The following EPG5 variants were observed in gnomAD, a reference collection of about 807,000 sequenced individuals.
EPG5 encodes the protein ectopic P-granules 5 autophagy tethering factor.
A neutral mutation model predicts 302.7 loss-of-function variants in EPG5; 159 were observed. That is an observed-to-expected ratio of 0.53 (90% CI 0.46 to 0.60). The LOEUF (loss-of-function observed/expected upper bound fraction) is 0.60. EPG5 is among the 20% of genes least tolerant of loss of function. The pLI is 0.00. For synonymous variants in EPG5, 1,158 were observed against 1,136.8 expected, an observed-to-expected ratio of 1.02 and a Z score of -0.37; for missense variants, 2,896 against 3,092.4, an observed-to-expected ratio of 0.94 and a Z score of 1.51.
intron 41 of EPG5, among the ~76,000 whole-genome samples, chr18:45,858,334 G>A (rs1380118637): frequency 6.6e-6 from 1 of 152,172 alleles, no homozygotes; most frequent in Non-Finnish European, 1.5e-5. Flanking sequence ...CCACTTAACT[G>A]GTAAGGAAAC....
intron 1 of EPG5, among the ~76,000 whole-genome samples, chr18:45,962,350 C>G (rs538984971): frequency 2.0e-5 from 3 of 152,270 alleles, no homozygotes; most frequent in African/African-American, 7.2e-5. Context: ...ACCAGATGTT[C>G]TCACTATTAA....
chr18:45,830,199 T>C, the EPG5 span, among the ~76,000 whole-genome samples: 3 of 152,260 alleles, frequency 2.0e-5, no homozygotes, highest in African/African-American at 7.2e-5. Flanking sequence ...GGTGGAGATT[T>C]TGGTCAGCTG....
chr18:45,821,096 T>C, the EPG5 span, among the ~76,000 whole-genome samples: 1 of 152,346 alleles, frequency 6.6e-6, no homozygotes, highest in South Asian at 2.1e-4. Flanking sequence ...AAGGGTAGGA[T>C]AGACTCACGG....
At chr18:45,813,301 C>T in the EPG5 span, among the ~76,000 whole-genome samples, 4 of 152,296 alleles carry the variant, frequency 2.6e-5, no homozygotes, top group Middle Eastern at 0.014. Context: ...AATAGGAACA[C>T]TTTTACACTG....
intron 16 of EPG5, among the ~76,000 whole-genome samples, chr18:45,920,185 T>C (rs1224740442): frequency 6.6e-6 from 1 of 152,254 alleles, no homozygotes; most frequent in Non-Finnish European, 1.5e-5. Context: ...ATTTGTTGAA[T>C]ACCTACTAAG....
chr18:45,897,849 T>C (rs756314576), intron 27 of EPG5, among the ~76,000 whole-genome samples: 5 of 152,128 alleles, frequency 3.3e-5, no homozygotes, highest in Admixed American at 6.5e-5. Context: ...GACATTGGAA[T>C]AGTTACAATG....
At chr18:45,863,155 T>A (rs959868887) in intron 39 of EPG5, among the ~76,000 whole-genome samples, 1 of 152,230 alleles carries the variant, frequency 6.6e-6, no homozygotes, top group Non-Finnish European at 1.5e-5. Flanking sequence ...GACATAATCA[T>A]CTTGTGGAAA....
intron 26 of EPG5, among the ~76,000 whole-genome samples, chr18:45,900,366 C>T (rs183502324): frequency 1.0e-4 from 15 of 142,976 alleles, no homozygotes; most frequent in African/African-American, 3.9e-4. Context: ...CATGCCACTG[C>T]ACCACTCCAG....
chr18:45,918,159 C>T (rs2050074820), intron 16 of EPG5, among the ~76,000 whole-genome samples: 3 of 152,152 alleles, frequency 2.0e-5, no homozygotes, highest in Non-Finnish European at 1.5e-5. Flanking sequence ...AAGAGCTTCT[C>T]CTAAGAGCCG....
intron 31 of EPG5, 150 bp downstream of exon 31, chr18:45,882,124 G>A (rs2049110787): frequency 2.8e-6 from 2 of 716,616 alleles, no homozygotes; most frequent in East Asian, 2.7e-5. Flanking sequence ...TTTGGGCCTT[G>A]TTCATCAAGC....
In EPG5 at chr18:45,852,525, A is replaced by G; in HGVS notation, c.7682T>C (p.Leu2561Ser). The change falls in exon 44 of 44, where the codon TTG (leucine) becomes TCG (serine). Residue 2561 changes from leucine to serine, a missense_variant. Coordinates refer to ENST00000282041, the MANE Select transcript of EPG5 (RefSeq NM_020964.3). ...ATACAGACAGTTAACGAGAAGAGCC[A>G]AGAAGCTTTTCCCATCTTGAAGGCA... is the stretch of plus-strand genomic sequence containing the variant. The part of the protein sequence containing the change: ...GHCLQDGKSF[L>S]ALLVNCLYPE... 6.2e-7 allele frequency: 1 copy of G among 1,614,264 alleles called. No individual in the cohort carries two copies. Among genetic ancestry groups the G allele is most frequent in the Non-Finnish European group, 8.5e-7 (1 of 1,180,036 alleles).
chr18:45,904,045 G>C lies in EPG5; in HGVS notation c.4402C>G (p.Gln1468Glu). 3 of 1,613,358 alleles carry C rather than the reference G, an allele frequency of 1.9e-6. No homozygotes were observed. The highest frequency in any genetic ancestry group is 2.5e-6 in the Non-Finnish European group (3 of 1,179,904). ...GTGGAATGGGACTCAAGCTTGGCCT[G>C]TGTCCACAGACCAACAGTCTCCTGA... is the stretch of plus-strand genomic sequence containing the variant. ...EFQETVGLWT[Q>E]AKLESHSTPC... Residue 1468 changes from glutamine (Q) to glutamate (E), a missense_variant, in exon 25 of 44, where the codon CAG becomes GAG. This residue lies in a region of EPG5 where 790 missense variants were observed against 798.0 expected (regional missense o/e 0.99). Transcript: ENST00000282041.
At chr18:45,902,093 A>G (rs2049632634) in intron 25 of EPG5, among the ~76,000 whole-genome samples, 1 of 152,238 alleles carries the variant, frequency 6.6e-6, no homozygotes, top group African/African-American at 2.4e-5. Flanking sequence ...CAAGTCAACA[A>G]GTACTTAAGG....
the EPG5 span, chr18:45,825,635 C>A: frequency 7.0e-7 from 1 of 1,421,170 alleles, no homozygotes; most frequent in South Asian, 1.2e-5. Flanking sequence ...TGCCCACCCC[C>A]GCCCGCCTTC....
chr18:45,917,844 AATACAC>A, intron 16 of EPG5, 25 bp from the exon 17 acceptor site: 2 of 1,613,380 alleles, frequency 1.2e-6, no homozygotes, highest in African/African-American at 2.7e-5. Context: ...AAAGGCACTG[AATACAC>A]AAGGGAGCTG....
Position 45,880,216 on chromosome 18 carries a change from C to T in EPG5, c.5526G>A (p.Ala1842=), listed in dbSNP as rs749486885. The change falls in exon 32 of 44, where the codon GCG becomes GCA. Residue 1842 remains alanine (A), a synonymous_variant. Transcript: ENST00000282041. ...DILRLLMQSS[A]EQLLSPECWK... ...AACACTCGGGGCTCAGAAGCTGCTC[C>T]GCGGAGCCTGCCAGCAGGGACAGGA... 3.8e-6 allele frequency: 6 copies of T among 1,594,140 alleles called. No homozygotes were observed. The South Asian group carries it at 4.5e-5, about 12-fold the overall frequency.
Position 45,884,812 on chromosome 18 carries a change from C to G in EPG5, c.5110-1G>C. 7 of 1,517,044 alleles carry G rather than the reference C, an allele frequency of 4.6e-6. No homozygotes were observed. The South Asian group carries it at 5.1e-5, about 11-fold the overall frequency. The allele number at this position is 1,517,044 out of a possible 1,614,324, so 94.0% of individuals were successfully genotyped here. On this transcript the variant is annotated splice_acceptor_variant, in intron 29 of 43. Coordinates refer to ENST00000282041, the MANE Select transcript of EPG5 (RefSeq NM_020964.3). LOFTEE classifies it high-confidence loss of function. ...CTGATTTAATGCCACTGATAAATAC[C>G]TTGGAAAAATAAAAAGGAAAAATGT...
intron 35 of EPG5, among the ~76,000 whole-genome samples, chr18:45,874,593 C>T (rs986607363): frequency 2.0e-5 from 3 of 152,098 alleles, no homozygotes; most frequent in Admixed American, 6.6e-5. Flanking sequence ...TACGGGAAAC[C>T]CCTTATCAAA....
At chr18:45,943,127 G>A (rs1001817199) in intron 9 of EPG5, 34 bp downstream of exon 9, 7 of 1,599,636 alleles carry the variant, frequency 4.4e-6, no homozygotes, top group Non-Finnish European at 5.1e-6. Context: ...CAGGGTGAAA[G>A]GAACAGAGAA....
Sources: gnomAD v4.1 joint callset for allele counts (sites outside exome capture counted in the v4.1 genomes callset) on GRCh38, gnomAD v4.1.1 for gene constraint, gnomAD v4.1.1 regional missense constraint, MANE v1.5 for transcripts, NCBI Gene and HGNC (gene_info 2026-07-23, HGNC 2026-07-21) for gene names.